The following MYO15B variants were observed in gnomAD, a reference collection of about 807,000 sequenced individuals.
The protein encoded by MYO15B is myosin XVB pseudogene.
A neutral mutation model predicts 119.3 loss-of-function variants in MYO15B; 207 were observed. The observed-to-expected ratio is 1.73, with a 90% CI of 1.55 to 1.95. The LOEUF (loss-of-function observed/expected upper bound fraction) is 1.95, where lower values mean the gene tolerates loss of function less well. MYO15B is among the 30% of genes most tolerant of loss of function. MYO15B has a pLI of 0.00. For missense variants in MYO15B, 2,264 were observed against 1,203.1 expected (o/e 1.88, Z -13.04); for synonymous variants, 966 against 498.9 (o/e 1.94, Z -12.48).
intron 19 of MYO15B, among the ~76,000 whole-genome samples, chr17:75,604,761 G>A (rs967532660): frequency 2.0e-5 from 3 of 151,854 alleles, no homozygotes; most frequent in Non-Finnish European, 4.4e-5. Context: ...CCAGCTGAGC[G>A]CCTGGCATAG....
intron 15 of MYO15B, 40 bp downstream of exon 15, chr17:75,601,603 G>A: frequency 1.4e-6 from 1 of 694,098 alleles, no homozygotes; most frequent in Non-Finnish European, 2.6e-6. Context: ...AATCAGCGAG[G>A]GCAGTGTCCC....
chr17:75,595,242 A>T (rs900926197), intron 12 of MYO15B, among the ~76,000 whole-genome samples: 3 of 151,946 alleles, frequency 2.0e-5, no homozygotes, highest in African/African-American at 7.3e-5. Flanking sequence ...TCTCGCTTCC[A>T]CTCACCTCCA....
exon 15 of MYO15B, chr17:75,601,548 G>A (rs1295949658): frequency 1.4e-6 from 1 of 703,154 alleles, no homozygotes; most frequent in South Asian, 1.5e-5. Flanking sequence ...ATTATGCAGG[G>A]ACTGTCACCT....
chr17:75,591,620 C>T (rs1265913597), exon 5 of MYO15B: 8 of 702,758 alleles, frequency 1.1e-5, no homozygotes, highest in Non-Finnish European at 1.8e-5. Flanking sequence ...CTGCAGTGGG[C>T]ACAGTGGCTC....
chr17:75,594,021 T>G (rs1598717039), intron 9 of MYO15B, among the ~76,000 whole-genome samples: 2 of 131,356 alleles, frequency 1.5e-5, no homozygotes, highest in Admixed American at 1.8e-4. Flanking sequence ...TCCTGGGAGG[T>G]GGAGGCTGCA....
intron 19 of MYO15B, among the ~76,000 whole-genome samples, chr17:75,605,029 C>G (rs947570000): frequency 6.6e-6 from 1 of 151,744 alleles, no homozygotes; most frequent in African/African-American, 2.4e-5. Context: ...CCCAGCTACT[C>G]GGGAGGCTGA....
At position 75,624,304 on chromosome 17, in the gene MYO15B, C is replaced by G. The variant is rs912721466; in HGVS notation, c.8367+35C>G. 4.3e-6 allele frequency: 3 copies of G among 702,648 alleles called. No individual in the cohort carries two copies. The Admixed American group carries it at 6.0e-5, about 14-fold the overall frequency. 43.5% of individuals were successfully genotyped at this position (702,648 alleles called of 1,614,324 possible). A position where few individuals can be genotyped will look rare whatever the true frequency, so the allele number is the denominator to read the frequency against. ...GTGGCGGATGGGCATTGTGGGACAC[C>G]CTGGGGTGGGGAGTGTCTCCTACAG... On this transcript the variant is annotated intron_variant, in intron 56 of 63. Coordinates refer to ENST00000645453, the Ensembl canonical transcript of MYO15B.
chr17:75,619,194 C>T (rs554189609), exon 44 of MYO15B: 17 of 702,816 alleles, frequency 2.4e-5, no homozygotes, highest in South Asian at 7.4e-5. Context: ...CCAGAATGAG[C>T]GGCGGAAAAT....
intron 19 of MYO15B, among the ~76,000 whole-genome samples, chr17:75,604,473 C>T (rs2057488493): frequency 7.1e-6 from 1 of 140,402 alleles, no homozygotes; most frequent in African/African-American, 2.7e-5. Flanking sequence ...CTTCCTGCCA[C>T]GCCCCTCCCT....
exon 1 of MYO15B, chr17:75,588,576 G>A: frequency 2.5e-6 from 1 of 399,162 alleles, no homozygotes. Flanking sequence ...GCGGCAGCCA[G>A]CGCGGCACAG....
At chr17:75,599,910 T>G (rs1489810320) in intron 14 of MYO15B, among the ~76,000 whole-genome samples, 2 of 150,128 alleles carry the variant, frequency 1.3e-5, no homozygotes, top group African/African-American at 2.4e-5. Flanking sequence ...ATAATAATAA[T>G]AATAATAATA....
At chr17:75,604,659 A>G (rs2057507850) in intron 19 of MYO15B, among the ~76,000 whole-genome samples, 1 of 146,730 alleles carries the variant, frequency 6.8e-6, no homozygotes, top group Non-Finnish European at 1.5e-5. Flanking sequence ...ACCAGCCCTC[A>G]TGCCTCCTGC....
At chr17:75,605,947 C>T in exon 21 of MYO15B, 1 of 702,762 alleles carries the variant, frequency 1.4e-6, no homozygotes, top group Non-Finnish European at 2.6e-6. Flanking sequence ...ACCTGCACCG[C>T]AGCTTCCACA....
chr17:75,603,429 C>T (rs563817167), intron 19 of MYO15B, 117 bp downstream of exon 19: 1 of 620,494 alleles, frequency 1.6e-6, no homozygotes, highest in South Asian at 1.9e-5. Context: ...GGCCTAGCAC[C>T]CAACCCTCCC....
At chr17:75,623,529 C>T (rs2058827264) in intron 53 of MYO15B, among the ~76,000 whole-genome samples, 1 of 152,182 alleles carries the variant, frequency 6.6e-6, no homozygotes, top group South Asian at 2.1e-4. Flanking sequence ...GAGGCTGAGG[C>T]AGGAGAATTG....
At chr17:75,605,832 C>A in intron 20 of MYO15B, 32 bp from the exon 21 acceptor site, 1 of 660,444 alleles carries the variant, frequency 1.5e-6, no homozygotes, top group Non-Finnish European at 2.8e-6. Flanking sequence ...TGGCTCCTGG[C>A]TCCTGCCTAC....
At chr17:75,599,751 C>G (rs990724380) in intron 14 of MYO15B, among the ~76,000 whole-genome samples, 3 of 150,806 alleles carry the variant, frequency 2.0e-5, no homozygotes, top group South Asian at 4.3e-4. Flanking sequence ...AAAAATGAGT[C>G]GAGCGTGGTG....
chr17:75,597,914 T>A (rs1421394814), intron 14 of MYO15B, among the ~76,000 whole-genome samples: 1 of 150,356 alleles, frequency 6.7e-6, no homozygotes, highest in Non-Finnish European at 1.5e-5. Context: ...AGAAGTTGTT[T>A]CAAACTAATT....
chr17:75,613,935 G>A (rs1477705593), intron 29 of MYO15B, 158 bp downstream of exon 29: 3 of 598,670 alleles, frequency 5.0e-6, no homozygotes, highest in East Asian at 2.8e-5. Context: ...GGGCAGATTA[G>A]GAATGAGGGG....
Sources: allele counts gnomAD v4.1 joint callset (sites outside exome capture counted in the v4.1 genomes callset), GRCh38; gene constraint gnomAD v4.1.1; transcripts MANE v1.5; gene names NCBI Gene and HGNC (gene_info 2026-07-23, HGNC 2026-07-21).